The following CACNA2D3 variants were observed in gnomAD, a reference collection of about 807,000 sequenced individuals.
CACNA2D3 encodes the protein calcium voltage-gated channel auxiliary subunit alpha2delta 3.
In CACNA2D3, 60 loss-of-function variants were observed where a neutral mutation model predicts 160.6. The observed-to-expected ratio is 0.37, with a 90% CI of 0.30 to 0.46. The LOEUF is 0.46. Ranked by LOEUF, CACNA2D3 falls within the 20% of genes least tolerant of loss-of-function variation. CACNA2D3 has a pLI of 1.00. For missense variants in CACNA2D3, 1,205 were observed against 1,365.0 expected (o/e 0.88, Z 1.85); for synonymous variants, 558 against 492.9 (o/e 1.13, Z -1.75).
intron 4 of CACNA2D3, among the ~76,000 whole-genome samples, chr3:54,441,868 A>G (rs1411552754): frequency 2.6e-5 from 4 of 152,232 alleles, no homozygotes; most frequent in Non-Finnish European, 5.9e-5. Flanking sequence ...GAAATGACAC[A>G]GAAACTGTCA....
chr3:54,916,525 C>A (rs968933877), intron 27 of CACNA2D3, among the ~76,000 whole-genome samples: 5 of 152,228 alleles, frequency 3.3e-5, no homozygotes, highest in African/African-American at 7.2e-5. Context: ...AAATTACCAT[C>A]GAAATTTAAA....
chr3:54,195,788 C>G (rs889220522), intron 2 of CACNA2D3, among the ~76,000 whole-genome samples: 2 of 152,170 alleles, frequency 1.3e-5, no homozygotes, highest in African/African-American at 4.8e-5. Flanking sequence ...TGTCAAGCAT[C>G]CTTCAGTGTG....
Position 54,879,384 on chromosome 3 carries a change from A to T in CACNA2D3, c.1817A>T (p.Tyr606Phe). The T allele has an allele frequency of 1.2e-6, 2 of 1,608,910 alleles. No individual in the cohort carries two copies. The highest frequency in any genetic ancestry group is 1.1e-5 in the South Asian group (1 of 90,298). Residue 606 changes from tyrosine (Y) to phenylalanine (F), a missense_variant, in exon 20 of 38, where the codon TAT (tyrosine) becomes TTT (phenylalanine). This residue lies in a region of CACNA2D3 where 911 missense variants were observed against 1,002.2 expected (regional missense o/e 0.91). Transcript: ENST00000474759. ...TTGGTGATGACAAATGACTACTATT[A>T]TACAGACATCAAGGGTACTCCTTTC... The part of the protein sequence containing the change: ...RVLVMTNDYY[Y>F]TDIKGTPFSL...
chr3:54,544,796 C>G (rs1702035289), intron 5 of CACNA2D3, among the ~76,000 whole-genome samples: 1 of 151,994 alleles, frequency 6.6e-6, no homozygotes, highest in Admixed American at 6.6e-5. Flanking sequence ...GTTTTCAGTT[C>G]TTAAAAAAAA....
chr3:54,712,553 C>G (rs988722537), intron 11 of CACNA2D3, among the ~76,000 whole-genome samples: 2 of 152,220 alleles, frequency 1.3e-5, no homozygotes, highest in African/African-American at 4.8e-5. Flanking sequence ...TCTGCCACCA[C>G]GTGAGATGTG....
intron 4 of CACNA2D3, among the ~76,000 whole-genome samples, chr3:54,485,015 T>A (rs145742409): frequency 0.013 from 1,972 of 152,146 alleles, 39 homozygotes; most frequent in African/African-American, 0.043. Flanking sequence ...CCTAGCTAAT[T>A]TTTGTAATTT....
At chr3:54,165,995 G>A (rs1260760136) in intron 2 of CACNA2D3, among the ~76,000 whole-genome samples, 1 of 152,128 alleles carries the variant, frequency 6.6e-6, no homozygotes, top group Non-Finnish European at 1.5e-5. Context: ...GTCACAAAGG[G>A]AGGTTTAGGC....
At chr3:54,441,242 G>A (rs1700139784) in intron 4 of CACNA2D3, among the ~76,000 whole-genome samples, 1 of 152,222 alleles carries the variant, frequency 6.6e-6, no homozygotes, top group Non-Finnish European at 1.5e-5. Flanking sequence ...GGCCAGTGAT[G>A]ATGAGCATTT....
At chr3:54,623,276 G>A (rs184006944) in intron 9 of CACNA2D3, among the ~76,000 whole-genome samples, 9 of 152,290 alleles carry the variant, frequency 5.9e-5, no homozygotes, top group Admixed American at 3.3e-4. Context: ...CCTCCCGTGC[G>A]GTGGCAGGAT....
At chr3:55,026,982 C>A (rs751973733) in intron 35 of CACNA2D3, among the ~76,000 whole-genome samples, 1 of 150,702 alleles carries the variant, frequency 6.6e-6, no homozygotes, top group Non-Finnish European at 1.5e-5. Flanking sequence ...CCGCTAAGCG[C>A]GCATGCACGC....
Position 54,864,448 on chromosome 3 carries a change from T to G in CACNA2D3, c.1627-7091T>G, listed in dbSNP as rs143147523. ...CCACTGCGCTCAGCTAATTTTTGTGTTTTTTGGTAGAGATGGGTTTTTGCC... is the reference window on the plus strand; with the variant it reads ...CCACTGCGCTCAGCTAATTTTTGTGGTTTTTGGTAGAGATGGGTTTTTGCC... On this transcript the variant is annotated intron_variant, in intron 17 of 37. Transcript: ENST00000474759. Among the ~76,000 whole-genome samples the G allele has an allele frequency of 2.5e-3, 384 of 152,156 alleles. 2 individuals are homozygous for G. Among genetic ancestry groups the G allele is most frequent in the African/African-American group, 8.8e-3 (366 of 41,518 alleles).
At chr3:54,343,161 T>C (rs947478511) in intron 3 of CACNA2D3, among the ~76,000 whole-genome samples, 23 of 152,268 alleles carry the variant, frequency 1.5e-4, no homozygotes, top group African/African-American at 5.3e-4. Context: ...CCCAGAGAAG[T>C]GCTTCTAGGC....
At chr3:54,331,064 C>T (rs1704240603) in intron 3 of CACNA2D3, among the ~76,000 whole-genome samples, 1 of 152,062 alleles carries the variant, frequency 6.6e-6, no homozygotes. Flanking sequence ...GGAATTTCGT[C>T]ATTGGAGATG....
chr3:54,604,712 G>C (rs1387443576), intron 9 of CACNA2D3, among the ~76,000 whole-genome samples: 2 of 152,140 alleles, frequency 1.3e-5, no homozygotes, highest in Admixed American at 1.3e-4. Context: ...CCTGAATCTT[G>C]GCAGTAACCT....
intron 4 of CACNA2D3, among the ~76,000 whole-genome samples, chr3:54,408,643 C>G (rs9826531): frequency 0.19 from 29,240 of 151,974 alleles, 2,976 homozygotes; most frequent in Admixed American, 0.29. Context: ...CCAGTGAGAG[C>G]TCTCATTCTG....
At chr3:54,760,367 C>T (rs924446715) in intron 12 of CACNA2D3, among the ~76,000 whole-genome samples, 2 of 151,862 alleles carry the variant, frequency 1.3e-5, no homozygotes, top group Admixed American at 6.6e-5. Flanking sequence ...ATGTGAGAGG[C>T]GGGGAAAGAA....
At chr3:54,170,096 G>A (rs2107309478) in intron 2 of CACNA2D3, among the ~76,000 whole-genome samples, 1 of 151,152 alleles carries the variant, frequency 6.6e-6, no homozygotes, top group Non-Finnish European at 1.5e-5. Flanking sequence ...GCTGAGGCAG[G>A]ACAATCACTT....
intron 12 of CACNA2D3, among the ~76,000 whole-genome samples, chr3:54,759,330 C>G (rs547282624): frequency 6.6e-6 from 1 of 151,972 alleles, no homozygotes; most frequent in East Asian, 1.9e-4. Flanking sequence ...AGGAAAAAAA[C>G]AGAGAGAAAG....
chr3:54,352,728 G>T, intron 3 of CACNA2D3, among the ~76,000 whole-genome samples: 1 of 152,334 alleles, frequency 6.6e-6, no homozygotes. Flanking sequence ...AGGCAGTGGT[G>T]CTTACTTTAT....
Sources: allele counts gnomAD v4.1 joint callset (sites outside exome capture counted in the v4.1 genomes callset), GRCh38; gene constraint gnomAD v4.1.1; regional missense constraint gnomAD v4.1.1; transcripts MANE v1.5; gene names NCBI Gene and HGNC (gene_info 2026-07-23, HGNC 2026-07-21).